Variants in CMTM3 observed in about 807,000 individuals in gnomAD.
CMTM3 encodes the protein CKLF like MARVEL transmembrane domain containing 3.
CMTM3 carries 7 observed loss-of-function variants against 18.2 expected under a neutral mutation model. The ratio of observed to expected loss-of-function variants is 0.38; its 90% CI spans 0.22 to 0.72. CMTM3 has a LOEUF of 0.72. Among genes scored for constraint, CMTM3 ranks in the 30% least tolerant of loss-of-function variants. The pLI is 0.46. For missense variants in CMTM3, 227 were observed against 249.2 expected (o/e 0.91, Z 0.60); for synonymous variants, 109 against 111.2 (o/e 0.98, Z 0.12).
Position 66,612,686 on chromosome 16 carries a change from T to TGTGAG in CMTM3, c.*50_*51insTGAGG. 1.3e-6 allele frequency: 2 copies of TGTGAG among 1,595,260 alleles called. No homozygotes were observed. Among genetic ancestry groups the TGTGAG allele is most frequent in the Non-Finnish European group, 8.6e-7 (1 of 1,164,160 alleles). On this transcript the variant is annotated 3_prime_UTR_variant, in exon 5 of 5. Coordinates refer to ENST00000567572, the MANE Select transcript of CMTM3 (RefSeq NM_181553.4). This position sits in a 1 kb window ranked among gnomAD's most constrained non-coding sequence, Gnocchi z 6.0. ...CCTGAGCCACACAGGCCTCCACCCC[T>TGTGAG]GCGCCTCACAGGGGTCGCTGGCGTT...
chr16:66,612,633 AC>A lies in CMTM3; in HGVS notation c.546del (p.Ter183GlufsTer10). 5 of 1,613,988 alleles carry A rather than the reference AC, an allele frequency of 3.1e-6. No individual in the cohort carries two copies. Among genetic ancestry groups the A allele is most frequent in the Non-Finnish European group, 3.4e-6 (4 of 1,179,974 alleles). ...GAAGAGAATTCCGACTCGGACTCTG[AC>A]TGAAGGCCTGGCGGGTGCCTTGGCA... ...TEEENSDSDS[D>X] On this transcript the variant is annotated frameshift_variant, in exon 5 of 5. Coordinates refer to ENST00000567572, the MANE Select transcript of CMTM3 (RefSeq NM_181553.4). LOFTEE classifies it high-confidence loss of function. The surrounding 1 kb of genome is among the most constrained non-coding windows in gnomAD (Gnocchi z 6.0).
chr16:66,608,090 C>A lies in CMTM3; in HGVS notation c.148-219C>A, dbSNP rs1203110380. Among the ~76,000 whole-genome samples, 1 of 152,138 alleles carries A rather than the reference C, an allele frequency of 6.6e-6. No individual in the cohort carries two copies. Among genetic ancestry groups the A allele is most frequent in the African/African-American group, 2.4e-5 (1 of 41,424 alleles). On this transcript the variant is annotated intron_variant, in intron 1 of 4. Coordinates refer to ENST00000567572, the MANE Select transcript of CMTM3 (RefSeq NM_181553.4). This position sits in a 1 kb window ranked among gnomAD's most constrained non-coding sequence, Gnocchi z 5.1. ...CAAATTTCTGGGCTCAAGCAATCCA[C>A]CTGCCTGGGCCTCTCAAAGTGCTAG...
In CMTM3 at chr16:66,605,060, C is replaced by T; in HGVS notation, c.147+108C>T. 2 of 1,021,904 alleles carry T rather than the reference C, an allele frequency of 2.0e-6. No individual in the cohort carries two copies. The highest frequency in any genetic ancestry group is 2.6e-6 in the Non-Finnish European group (2 of 776,910). 63.3% of individuals were successfully genotyped at this position (1,021,904 alleles called of 1,614,324 possible). Reference sequence around the variant, plus strand: ...CGGGGGCGGCCGCCGTGCTCCGATACCCCCTCTCCGCGCCGCCTCGGCCGA... The same window carrying T: ...CGGGGGCGGCCGCCGTGCTCCGATATCCCCTCTCCGCGCCGCCTCGGCCGA... On this transcript the variant is annotated intron_variant, in intron 1 of 4. Coordinates refer to ENST00000567572, the MANE Select transcript of CMTM3 (RefSeq NM_181553.4). This position sits in a 1 kb window ranked among gnomAD's most constrained non-coding sequence, Gnocchi z 4.6.
Position 66,604,914 on chromosome 16 carries a change from C to A in CMTM3, c.109C>A (p.Leu37Ile). 6.7e-7 allele frequency: 1 copy of A among 1,489,468 alleles called. No individual in the cohort carries two copies. 92.3% of individuals were successfully genotyped at this position (1,489,468 alleles called of 1,614,324 possible). A position where few individuals can be genotyped will look rare whatever the true frequency, so the allele number is the denominator to read the frequency against. Residue 37 changes from leucine (L) to isoleucine (I), a missense_variant, in exon 1 of 5, where the codon CTC becomes ATC. Transcript: ENST00000567572. ...CGCCCTGCTGCCGGCGCGGGCTTTC[C>A]TCTGCTCTCTCAAAGGCCGCCTCCT... ...LRALLPARAF[L>I]CSLKGRLLLA... is the part of the protein sequence containing the mutation.
chr16:66,604,509 C>T, upstream of CMTM3: 1 of 252,140 alleles, frequency 4.0e-6, no homozygotes, highest in Non-Finnish European at 7.5e-6. Flanking sequence ...GGTGCCGGGG[C>T]GGTGATCGGG....
chr16:66,606,931 T>C (rs1219304058), intron 1 of CMTM3, among the ~76,000 whole-genome samples: 1 of 152,028 alleles, frequency 6.6e-6, no homozygotes, highest in Non-Finnish European at 1.5e-5. Flanking sequence ...GAGGTGGAGG[T>C]TGCAGTGAAC....
Position 66,605,022 on chromosome 16 carries a change from C to T in CMTM3, c.147+70C>T, listed in dbSNP as rs1332311370. On this transcript the variant is annotated intron_variant, in intron 1 of 4. Coordinates refer to ENST00000567572, the MANE Select transcript of CMTM3 (RefSeq NM_181553.4). The surrounding 1 kb of genome is among the most constrained non-coding windows in gnomAD (Gnocchi z 4.6). ...CTCCTTTCGGAGGAGGACGTCGGGG[C>T]GCGGGTGGGGTCCGGGGGCGGCCGC... 17 of 1,319,678 alleles carry T rather than the reference C, an allele frequency of 1.3e-5. No individual in the cohort carries two copies. The highest frequency in any genetic ancestry group is 1.7e-5 in the Non-Finnish European group (17 of 1,027,150). The allele number at this position is 1,319,678 out of a possible 1,614,324, so 81.7% of individuals were successfully genotyped here. A position where few individuals can be genotyped will look rare whatever the true frequency, so the allele number is the denominator to read the frequency against.
At position 66,604,896 on chromosome 16, in the gene CMTM3, C is replaced by A; in HGVS notation, c.91C>A (p.Leu31Met). Reference sequence around the variant, plus strand: ...CGCGGTCCCCGGGCTCCGCGCCCTGCTGCCGGCGCGGGCTTTCCTCTGCTC... The same window carrying A: ...CGCGGTCCCCGGGCTCCGCGCCCTGATGCCGGCGCGGGCTTTCCTCTGCTC... ...GPAVPGLRAL[L>M]PARAFLCSLK... The change falls in exon 1 of 5, where the codon CTG becomes ATG. Residue 31 changes from leucine to methionine, a missense_variant. Coordinates refer to ENST00000567572, the MANE Select transcript of CMTM3 (RefSeq NM_181553.4). 6.9e-7 allele frequency: 1 copy of A among 1,449,718 alleles called. No individual in the cohort carries two copies. The highest frequency in any genetic ancestry group is 9.0e-7 in the Non-Finnish European group (1 of 1,106,804). The allele number at this position is 1,449,718 out of a possible 1,614,324, so 89.8% of individuals were successfully genotyped here. A position where few individuals can be genotyped will look rare whatever the true frequency, so the allele number is the denominator to read the frequency against.
chr16:66,609,559 C>G lies in CMTM3; in HGVS notation c.399+29C>G, dbSNP rs767898016. On this transcript the variant is annotated intron_variant, in intron 3 of 4. Coordinates refer to ENST00000567572, the MANE Select transcript of CMTM3 (RefSeq NM_181553.4). The surrounding 1 kb of genome is among the most constrained non-coding windows in gnomAD (Gnocchi z 4.4). ...AGCAGCCGCCCCACCCCTCTGGAAA[C>G]TGCAGATGCCCCTCTAGCCCCTCAT... The G allele has an allele frequency of 6.4e-7, 1 of 1,563,258 alleles. No individual in the cohort carries two copies. The highest frequency in any genetic ancestry group is 8.7e-7 in the Non-Finnish European group (1 of 1,150,194).
At position 66,604,876 on chromosome 16, in the gene CMTM3, TC is replaced by T; in HGVS notation, c.75del (p.Leu27SerfsTer63). ...GGCGGCTCCCGTCCCGGCCCCGCGG[TC>T]CCCGGGCTCCGCGCCCTGCTGCCGG... ...PAGGSRPGPA[V>X]PGLRALLPAR... On this transcript the variant is annotated frameshift_variant, in exon 1 of 5. Transcript: ENST00000567572. LOFTEE classifies it high-confidence loss of function. 2.8e-6 allele frequency: 4 copies of T among 1,422,566 alleles called. No homozygotes were observed. Among genetic ancestry groups the T allele is most frequent in the Non-Finnish European group, 1.8e-6 (2 of 1,092,432 alleles). 88.1% of individuals were successfully genotyped at this position (1,422,566 alleles called of 1,614,324 possible).
At chr16:66,606,014 G>A (rs953222334) in intron 1 of CMTM3, among the ~76,000 whole-genome samples, 8 of 152,126 alleles carry the variant, frequency 5.3e-5, no homozygotes, top group Non-Finnish European at 1.2e-4. Flanking sequence ...CGTCCCCAGA[G>A]TGGCTTGAAC....
At position 66,608,144 on chromosome 16, in the gene CMTM3, C is replaced by A. The variant is rs1180808178; in HGVS notation, c.148-165C>A. Among the ~76,000 whole-genome samples, 1 of 152,214 alleles carries A rather than the reference C, an allele frequency of 6.6e-6. No homozygotes were observed. The highest frequency in any genetic ancestry group is 1.5e-5 in the Non-Finnish European group (1 of 68,048). On this transcript the variant is annotated intron_variant, in intron 1 of 4. Transcript: ENST00000567572. This position sits in a 1 kb window ranked among gnomAD's most constrained non-coding sequence, Gnocchi z 5.1. ...TACAGGTGTGAGCCACTGTGCTTGG[C>A]CTGGGATTCTAATCTGGCTCTGCCA... is the stretch of plus-strand genomic sequence containing the variant.
chr16:66,606,193 TC>T (rs1261981233), intron 1 of CMTM3, among the ~76,000 whole-genome samples: 4 of 151,750 alleles, frequency 2.6e-5, no homozygotes, highest in African/African-American at 7.3e-5. Flanking sequence ...CACTCCTGCC[TC>T]CCTAGTCCCC....
chr16:66,608,188 G>A lies in CMTM3; in HGVS notation c.148-121G>A. ...TCTGCCACTTCCCAGCTGCGGGACT[G>A]TGAGCAGTTGGCTTCCCCTGCTGGA... On this transcript the variant is annotated intron_variant, in intron 1 of 4. Transcript: ENST00000567572. This position sits in a 1 kb window ranked among gnomAD's most constrained non-coding sequence, Gnocchi z 5.1. 9.6e-7 allele frequency: 1 copy of A among 1,041,640 alleles called. No homozygotes were observed. Among genetic ancestry groups the A allele is most frequent in the Middle Eastern group, 2.1e-4 (1 of 4,656 alleles). 64.5% of individuals were successfully genotyped at this position (1,041,640 alleles called of 1,614,324 possible).
chr16:66,613,320 G>A lies in CMTM3; in HGVS notation c.*683G>A. On this transcript the variant is annotated 3_prime_UTR_variant, in exon 5 of 5. Transcript: ENST00000567572. ...AGACTGTTTCAAAGAAGAGCTCATA[G>A]ACTGACTGGTCCAGAAGACAGAGGG... is the stretch of plus-strand genomic sequence containing the variant. 1.7e-6 allele frequency: 1 copy of A among 587,988 alleles called. No homozygotes were observed. Among genetic ancestry groups the A allele is most frequent in the Non-Finnish European group, 3.0e-6 (1 of 328,376 alleles). 36.4% of individuals were successfully genotyped at this position (587,988 alleles called of 1,614,324 possible).
chr16:66,613,263 C>A lies in CMTM3; in HGVS notation c.*626C>A. The stretch of plus-strand genomic sequence containing the variant: ...CACCTCCCACCCTTGGAAACCATGT[C>A]TTCTGGGGGTGAGATGACCATTCTG... On this transcript the variant is annotated 3_prime_UTR_variant, in exon 5 of 5. Transcript: ENST00000567572. The A allele has an allele frequency of 1.6e-6, 1 of 639,426 alleles. No homozygotes were observed. Among genetic ancestry groups the A allele is most frequent in the Admixed American group, 2.4e-5 (1 of 41,650 alleles). The allele number at this position is 639,426 out of a possible 1,614,324, so 39.6% of individuals were successfully genotyped here.
chr16:66,607,020 T>TG (rs1235687337), intron 1 of CMTM3, among the ~76,000 whole-genome samples: 2 of 152,142 alleles, frequency 1.3e-5, no homozygotes, highest in Non-Finnish European at 2.9e-5. Context: ...TAACTCTATC[T>TG]GGGGGGTCAG....
At position 66,605,347 on chromosome 16, in the gene CMTM3, C is replaced by A; in HGVS notation, c.147+395C>A. The A allele has an allele frequency of 6.2e-6, 1 of 160,322 alleles. No homozygotes were observed. The highest frequency in any genetic ancestry group is 1.4e-5 in the Non-Finnish European group (1 of 73,460). 9.9% of individuals were successfully genotyped at this position (160,322 alleles called of 1,614,324 possible). ...TCCGCTTTCCTGCGAGCGGGTAGTG[C>A]GGGCCGGGGCCTCGACCTGCGGGGC... On this transcript the variant is annotated intron_variant, in intron 1 of 4. Coordinates refer to ENST00000567572, the MANE Select transcript of CMTM3 (RefSeq NM_181553.4). The surrounding 1 kb of genome is among the most constrained non-coding windows in gnomAD (Gnocchi z 4.6).
Position 66,612,087 on chromosome 16 carries a change from CCACCTG to C in CMTM3, c.521-517_521-512del, listed in dbSNP as rs2015396856. On this transcript the variant is annotated intron_variant, in intron 4 of 4. Coordinates refer to ENST00000567572, the MANE Select transcript of CMTM3 (RefSeq NM_181553.4). This position sits in a 1 kb window ranked among gnomAD's most constrained non-coding sequence, Gnocchi z 6.0. ...CTTCAGTCTTGGGGTGGAAACACCC[CCACCTG>C]CACCCGCACCCACACCCTGGAGGTG... 6.6e-6 allele frequency among the ~76,000 whole-genome samples: 1 copy of C among 152,118 alleles called. No homozygotes were observed. Among genetic ancestry groups the C allele is most frequent in the Non-Finnish European group, 1.5e-5 (1 of 68,016 alleles).
Sources: allele counts gnomAD v4.1 joint callset (sites outside exome capture counted in the v4.1 genomes callset), GRCh38; gene constraint gnomAD v4.1.1; non-coding constraint Gnocchi (gnomAD v3.1); transcripts MANE v1.5; gene names NCBI Gene and HGNC (gene_info 2026-07-23, HGNC 2026-07-21).